Variants in ARHGAP15 observed in about 807,000 individuals in gnomAD.
The protein encoded by ARHGAP15 is Rho GTPase activating protein 15.
In ARHGAP15, 51 loss-of-function variants were observed where a neutral mutation model predicts 63.7. The observed-to-expected ratio is 0.80, with a 90% CI of 0.64 to 1.01. The LOEUF is 1.01. Among genes scored for constraint, ARHGAP15 ranks in the 50% least tolerant of loss-of-function variants. The pLI is 0.00. For missense variants in ARHGAP15, 560 were observed against 564.6 expected, an observed-to-expected ratio of 0.99 and a Z score of 0.08; for synonymous variants, 191 against 193.8, an observed-to-expected ratio of 0.99 and a Z score of 0.12.
chr2:143,679,666 T>C (rs1205027262), intron 12 of ARHGAP15, among the ~76,000 whole-genome samples: 1 of 144,074 alleles, frequency 6.9e-6, no homozygotes, highest in South Asian at 2.1e-4. Context: ...TGTGTGTGTG[T>C]GTGTGTGTGT....
At chr2:143,256,643 T>C (rs368672005) in intron 6 of ARHGAP15, among the ~76,000 whole-genome samples, 2 of 152,128 alleles carry the variant, frequency 1.3e-5, no homozygotes, top group East Asian at 1.9e-4. Context: ...CCTACTGAGG[T>C]ATCAGTACAA....
intron 9 of ARHGAP15, among the ~76,000 whole-genome samples, chr2:143,488,634 C>G (rs974767867): frequency 5.3e-5 from 8 of 152,172 alleles, no homozygotes; most frequent in Admixed American, 2.0e-4. Context: ...GCAATCATTT[C>G]TCATGAAGAG....
At chr2:143,529,224 G>A (rs1171524627) in intron 10 of ARHGAP15, among the ~76,000 whole-genome samples, 1 of 151,984 alleles carries the variant, frequency 6.6e-6, no homozygotes, top group Non-Finnish European at 1.5e-5. Flanking sequence ...CATTGCCCTA[G>A]AAAGAAATAT....
intron 9 of ARHGAP15, among the ~76,000 whole-genome samples, chr2:143,511,518 A>G (rs1693587961): frequency 6.6e-6 from 1 of 152,122 alleles, no homozygotes; most frequent in Non-Finnish European, 1.5e-5. Flanking sequence ...AAGCACACAG[A>G]TGGGAATATA....
At chr2:143,687,775 C>T (rs568996075) in intron 12 of ARHGAP15, among the ~76,000 whole-genome samples, 1 of 152,162 alleles carries the variant, frequency 6.6e-6, no homozygotes, top group Admixed American at 6.5e-5. Context: ...ATCAAAATAA[C>T]ACAAACTCAT....
At chr2:143,440,684 A>G (rs924806043) in intron 8 of ARHGAP15, among the ~76,000 whole-genome samples, 1 of 152,202 alleles carries the variant, frequency 6.6e-6, no homozygotes, top group Non-Finnish European at 1.5e-5. Flanking sequence ...ACCTGCCAAC[A>G]CTATTAAGAA....
intron 13 of ARHGAP15, among the ~76,000 whole-genome samples, chr2:143,750,760 G>C (rs114981264): frequency 0.021 from 3,203 of 152,320 alleles, 55 homozygotes; most frequent in Non-Finnish European, 0.035. Flanking sequence ...ATGGGTCCCA[G>C]AGGTTAATAT....
intron 1 of ARHGAP15, among the ~76,000 whole-genome samples, chr2:143,138,210 AT>A (rs1223598004): frequency 5.3e-5 from 8 of 152,122 alleles, no homozygotes; most frequent in Non-Finnish European, 7.4e-5. Flanking sequence ...GCATAATTGC[AT>A]TTGGTATCCA....
chr2:143,692,690 C>A (rs764920211), intron 12 of ARHGAP15, among the ~76,000 whole-genome samples: 5 of 152,198 alleles, frequency 3.3e-5, no homozygotes, highest in Non-Finnish European at 4.4e-5. Flanking sequence ...TAGAAGACTG[C>A]ACCAAATTGT....
chr2:143,472,838 TGAG>T (rs1292566233), intron 8 of ARHGAP15, among the ~76,000 whole-genome samples: 13 of 152,206 alleles, frequency 8.5e-5, no homozygotes, highest in Admixed American at 8.5e-4. Context: ...ATTATGCAGA[TGAG>T]GAGACTGGGC....
At chr2:143,657,801 A>G (rs1681535006) in intron 12 of ARHGAP15, among the ~76,000 whole-genome samples, 1 of 151,684 alleles carries the variant, frequency 6.6e-6, no homozygotes, top group African/African-American at 2.4e-5. Flanking sequence ...TCCTGATTTG[A>G]TTTGTTGATT....
intron 10 of ARHGAP15, among the ~76,000 whole-genome samples, chr2:143,532,307 A>G (rs1282770432): frequency 6.6e-6 from 1 of 152,240 alleles, no homozygotes; most frequent in Non-Finnish European, 1.5e-5. Flanking sequence ...CTTTTCACAC[A>G]TAATCCAAGA....
intron 13 of ARHGAP15, among the ~76,000 whole-genome samples, chr2:143,750,314 G>A (rs1332323094): frequency 6.6e-6 from 1 of 152,090 alleles, no homozygotes; most frequent in Admixed American, 6.6e-5. Context: ...GATGGCGCAT[G>A]CCTATAATCC....
chr2:143,460,924 G>C (rs561740826), intron 8 of ARHGAP15, among the ~76,000 whole-genome samples: 1 of 152,158 alleles, frequency 6.6e-6, no homozygotes, highest in East Asian at 1.9e-4. Context: ...TGGGAATAGA[G>C]GCCCCTTCTG....
At chr2:143,413,240 G>C (rs1440042419) in intron 6 of ARHGAP15, among the ~76,000 whole-genome samples, 1 of 152,232 alleles carries the variant, frequency 6.6e-6, no homozygotes, top group East Asian at 1.9e-4. Flanking sequence ...AGGCCCTTTA[G>C]GTTAGGAGCA....
chr2:143,321,436 C>T (rs1326151838), intron 6 of ARHGAP15, among the ~76,000 whole-genome samples: 1 of 152,240 alleles, frequency 6.6e-6, no homozygotes, highest in African/African-American at 2.4e-5. Flanking sequence ...ATGTGCTCCT[C>T]CTTAGCACTC....
intron 1 of ARHGAP15, among the ~76,000 whole-genome samples, chr2:143,153,163 C>T (rs753988900): frequency 4.0e-5 from 6 of 151,794 alleles, no homozygotes; most frequent in African/African-American, 7.3e-5. Flanking sequence ...AAATGGTGTA[C>T]GGTTGGGCTA....
chr2:143,319,756 C>G (rs1574267808), intron 6 of ARHGAP15, among the ~76,000 whole-genome samples: 2 of 151,892 alleles, frequency 1.3e-5, no homozygotes, highest in African/African-American at 4.8e-5. Flanking sequence ...CTTTATAGGG[C>G]CTTTTATGTG....
Position 143,330,112 on chromosome 2 carries a change from AAAAAAAAAAAAAAAAAAAACCAAAAAC to A in ARHGAP15, c.474+79519_474+79545del, listed in dbSNP as rs1377446159. Reference sequence around the variant, plus strand: ...TCTGTCTCAAAAAAAAAAAAAAAAAAAAAAAAAAAAAAAAAAAAACCAAAAACAAAAAACTAAACTAATGATTAATAA... The same window carrying A: ...TCTGTCTCAAAAAAAAAAAAAAAAAAAAAAAACTAAACTAATGATTAATAA... On this transcript the variant is annotated intron_variant, in intron 6 of 13. Coordinates refer to ENST00000295095, the MANE Select transcript of ARHGAP15 (RefSeq NM_018460.4). 3.3e-3 allele frequency among the ~76,000 whole-genome samples: 294 copies of A among 87,990 alleles called. 13 individuals are homozygous for A. Among genetic ancestry groups the A allele is most frequent in the Non-Finnish European group, 5.0e-3 (219 of 43,880 alleles). 57.7% of individuals were successfully genotyped at this position (87,990 alleles called of 152,430 possible).
Sources: gnomAD v4.1 joint callset for allele counts (sites outside exome capture counted in the v4.1 genomes callset) on GRCh38, gnomAD v4.1.1 for gene constraint, MANE v1.5 for transcripts, NCBI Gene and HGNC (gene_info 2026-07-23, HGNC 2026-07-21) for gene names.